Variants in SDCCAG8 observed in about 807,000 individuals in gnomAD.
The protein encoded by SDCCAG8 is SHH signaling and ciliogenesis regulator SDCCAG8, also known as serologically defined colon cancer antigen 8.
In SDCCAG8, 74 loss-of-function variants were observed where a neutral mutation model predicts 101.8. That is an observed-to-expected ratio of 0.73 (90% CI 0.60 to 0.88). The LOEUF (loss-of-function observed/expected upper bound fraction) is 0.88, where lower values mean the gene tolerates loss of function less well. Ranked by LOEUF, SDCCAG8 falls within the 40% of genes least tolerant of loss-of-function variation. The pLI is 0.00. For synonymous variants in SDCCAG8, 281 were observed against 292.9 expected, an observed-to-expected ratio of 0.96 and a Z score of 0.41; for missense variants, 787 against 822.6, an observed-to-expected ratio of 0.96 and a Z score of 0.53.
At chr1:243,257,679 TAAC>T (rs746446521) in intron 1 of SDCCAG8, among the ~76,000 whole-genome samples, 1 of 152,218 alleles carries the variant, frequency 6.6e-6, no homozygotes, top group Non-Finnish European at 1.5e-5. Context: ...TCAATTGTGT[TAAC>T]AAACTGTCGA....
intron 13 of SDCCAG8, among the ~76,000 whole-genome samples, chr1:243,407,827 C>T (rs2079890917): frequency 1.3e-5 from 2 of 152,116 alleles, no homozygotes; most frequent in Non-Finnish European, 2.9e-5. Context: ...AAGTAATTTA[C>T]TCCAGGAAAT....
intron 8 of SDCCAG8, among the ~76,000 whole-genome samples, chr1:243,313,891 G>A (rs2072997964): frequency 6.6e-6 from 1 of 152,208 alleles, no homozygotes; most frequent in Non-Finnish European, 1.5e-5. Context: ...AGCACTGTTA[G>A]TCCCAGGGGA....
At chr1:243,455,228 C>G (rs2083652749) in intron 16 of SDCCAG8, among the ~76,000 whole-genome samples, 1 of 152,084 alleles carries the variant, frequency 6.6e-6, no homozygotes, top group Non-Finnish European at 1.5e-5. Context: ...AAAAAGTAGG[C>G]CAGTTGCTAA....
intron 12 of SDCCAG8, among the ~76,000 whole-genome samples, chr1:243,352,913 C>A (rs1047374735): frequency 3.3e-5 from 5 of 152,008 alleles, no homozygotes; most frequent in Admixed American, 6.6e-5. Flanking sequence ...TTACTGTGGC[C>A]ATTTACATAT....
chr1:243,421,689 C>G (rs924737587), intron 15 of SDCCAG8, among the ~76,000 whole-genome samples: 1 of 152,156 alleles, frequency 6.6e-6, no homozygotes, highest in Non-Finnish European at 1.5e-5. Context: ...TTTTGACCAT[C>G]AGGCAAGAGA....
At chr1:243,324,857 G>A (rs2074034085) in intron 9 of SDCCAG8, among the ~76,000 whole-genome samples, 1 of 151,992 alleles carries the variant, frequency 6.6e-6, no homozygotes, top group Non-Finnish European at 1.5e-5. Context: ...ACTCTTTCAT[G>A]TCACCTTCAC....
chr1:243,484,092 C>A (rs939121059), intron 16 of SDCCAG8, among the ~76,000 whole-genome samples: 2 of 152,214 alleles, frequency 1.3e-5, no homozygotes, highest in Non-Finnish European at 2.9e-5. Context: ...ACAGGTACCT[C>A]GGACTCGCCC....
At chr1:243,462,144 G>C (rs1338360882) in intron 16 of SDCCAG8, among the ~76,000 whole-genome samples, 1 of 152,124 alleles carries the variant, frequency 6.6e-6, no homozygotes, top group Non-Finnish European at 1.5e-5. Flanking sequence ...GGGGCTGCAG[G>C]AAAGGTTTGG....
At chr1:243,354,815 C>T (rs894011153) in intron 12 of SDCCAG8, among the ~76,000 whole-genome samples, 3 of 152,212 alleles carry the variant, frequency 2.0e-5, no homozygotes, top group Non-Finnish European at 4.4e-5. Context: ...AGATTTTGCT[C>T]TGGGAGTTCT....
chr1:243,401,801 T>C (rs979775286), intron 13 of SDCCAG8, among the ~76,000 whole-genome samples: 1 of 152,218 alleles, frequency 6.6e-6, no homozygotes, highest in African/African-American at 2.4e-5. Context: ...CGGTTGTTCT[T>C]AGTGTTCTAT....
intron 17 of SDCCAG8, among the ~76,000 whole-genome samples, chr1:243,496,553 G>C (rs532978213): frequency 6.6e-6 from 1 of 152,376 alleles, no homozygotes; most frequent in Non-Finnish European, 1.5e-5. Context: ...CAGCAGGGGG[G>C]GAAGGGGTTG....
chr1:243,363,836 TGAAGA>T (rs1307737640), intron 12 of SDCCAG8, among the ~76,000 whole-genome samples: 1 of 152,176 alleles, frequency 6.6e-6, no homozygotes, highest in African/African-American at 2.4e-5. Flanking sequence ...GTCAATAAAT[TGAAGA>T]GATGAGTTTA....
chr1:243,387,826 G>A (rs758390774), intron 13 of SDCCAG8, among the ~76,000 whole-genome samples: 2 of 152,012 alleles, frequency 1.3e-5, no homozygotes, highest in East Asian at 1.9e-4. Flanking sequence ...AGCAATTCTC[G>A]TGTCTCACCC....
rs535103313 is a variant in SDCCAG8 at position 243,378,839 on chromosome 1, C to A, written c.1592C>A (p.Ser531Tyr). The A allele has an allele frequency of 6.2e-7, 1 of 1,614,094 alleles. No individual in the cohort carries two copies. The highest frequency in any genetic ancestry group is 1.3e-5 in the African/African-American group (1 of 75,050). The change falls in exon 13 of 18, where the codon TCT (serine) becomes TAT (tyrosine). Residue 531 changes from serine (S) to tyrosine (Y), a missense_variant. By Grantham distance (144) the Ser-to-Tyr change is moderately radical (BLOSUM62 -2). Coordinates refer to ENST00000366541, the MANE Select transcript of SDCCAG8 (RefSeq NM_006642.5). ...CLRLTELLGE[S>Y]EHQLHLTRQE... The stretch of plus-strand genomic sequence containing the variant: ...AGACTAACAGAACTGCTGGGCGAAT[C>A]TGAGCACCAACTGCACCTCACCAGG...
chr1:243,492,842 G>A (rs2148290472), intron 17 of SDCCAG8, among the ~76,000 whole-genome samples: 1 of 151,916 alleles, frequency 6.6e-6, no homozygotes, highest in African/African-American at 2.4e-5. Context: ...CCTGACCTCA[G>A]GTGATCTGCC....
At chr1:243,491,017 C>T (rs1666271448) in intron 17 of SDCCAG8, among the ~76,000 whole-genome samples, 1 of 152,242 alleles carries the variant, frequency 6.6e-6, no homozygotes, top group African/African-American at 2.4e-5. Flanking sequence ...AGTGAATCTT[C>T]AGCCTCTAAA....
chr1:243,347,153 CA>C (rs1360863203), intron 12 of SDCCAG8, among the ~76,000 whole-genome samples: 1 of 152,058 alleles, frequency 6.6e-6, no homozygotes, highest in Non-Finnish European at 1.5e-5. Context: ...TTTTCTGCTC[CA>C]CCTTCTCATC....
At chr1:243,344,404 T>A in intron 12 of SDCCAG8, 73 bp downstream of exon 12, 1 of 1,072,448 alleles carries the variant, frequency 9.3e-7, no homozygotes, top group Admixed American at 1.7e-5. Context: ...GATGTTGTTT[T>A]ATTCCTAATT....
intron 4 of SDCCAG8, among the ~76,000 whole-genome samples, chr1:243,275,892 T>A (rs2068521782): frequency 8.0e-6 from 1 of 124,366 alleles, no homozygotes; most frequent in African/African-American, 3.1e-5. Context: ...TTTGATGGAG[T>A]CTCGCATTGT....
Sources: allele counts gnomAD v4.1 joint callset (sites outside exome capture counted in the v4.1 genomes callset), GRCh38; gene constraint gnomAD v4.1.1; transcripts MANE v1.5; gene names NCBI Gene and HGNC (gene_info 2026-07-23, HGNC 2026-07-21).